The following KIF15 variants were observed in gnomAD, a reference collection of about 807,000 sequenced individuals.
KIF15 encodes the protein kinesin-like protein KIF15.
KIF15 carries 140 observed loss-of-function variants against 190.6 expected under a neutral mutation model. That is an observed-to-expected ratio of 0.73 (90% CI 0.64 to 0.84). The LOEUF is 0.84. Among genes scored for constraint, KIF15 ranks in the 40% least tolerant of loss-of-function variants. The pLI is 0.00. For missense variants in KIF15, 1,372 were observed against 1,584.4 expected (o/e 0.87, Z 2.28); for synonymous variants, 528 against 551.3 (o/e 0.96, Z 0.59).
At chr3:44,829,741 A>C (rs1027688482) in intron 24 of KIF15, among the ~76,000 whole-genome samples, 1 of 139,018 alleles carries the variant, frequency 7.2e-6, no homozygotes, top group Non-Finnish European at 1.5e-5. Flanking sequence ...TATATTATAT[A>C]TGTATATATT....
Position 44,800,348 on chromosome 3 carries a change from G to C in KIF15, c.1133G>C (p.Ser378Thr). Residue 378 changes from serine to threonine, a missense_variant, in exon 11 of 35, where the codon AGC becomes ACC. By Grantham distance (58) the Ser-to-Thr change is moderately conservative. Transcript: ENST00000326047. Reference protein sequence around the residue: ...VVNEDTQGNVSQLQAEVKRLK... With the variant: ...VVNEDTQGNVTQLQAEVKRLK... ...AATGAAGACACCCAAGGAAATGTGA[G>C]CCAGCTCCAAGCTGAAGTGAAGAGG... 6.2e-7 allele frequency: 1 copy of C among 1,614,208 alleles called. No individual in the cohort carries two copies. Among genetic ancestry groups the C allele is most frequent in the Non-Finnish European group, 8.5e-7 (1 of 1,180,028 alleles).
chr3:44,826,697 C>T (rs1395782740), intron 22 of KIF15, among the ~76,000 whole-genome samples: 1 of 152,156 alleles, frequency 6.6e-6, no homozygotes, highest in Non-Finnish European at 1.5e-5. Context: ...AATCAGAACT[C>T]AGGGCCTTCT....
rs1284763282 is a variant in KIF15, at chr3:44,858,869, T to C, written c.*59+6075T>C. The stretch of plus-strand genomic sequence containing the variant: ...AGAAGGGGATGGACTTATCCTCCAC[T>C]GTAAAAGTTACCCGAAGCTCGGTGT... On this transcript the variant is annotated intron_variant and NMD_transcript_variant, in intron 6 of 6. Coordinates refer to the KIF15 transcript ENST00000422209. 2.0e-5 allele frequency among the ~76,000 whole-genome samples: 3 copies of C among 152,206 alleles called. No individual in the cohort carries two copies. In the East Asian group the frequency reaches 5.8e-4, roughly 29 times the overall value.
intron 12 of KIF15, 98 bp downstream of exon 12, chr3:44,801,624 C>T (rs1707282155): frequency 2.1e-6 from 2 of 965,186 alleles, no homozygotes; most frequent in Non-Finnish European, 3.2e-6. Context: ...AATACCAAGT[C>T]AATAAAGTAA....
chr3:44,815,677 A>G (rs907509152), intron 20 of KIF15, among the ~76,000 whole-genome samples: 6 of 152,242 alleles, frequency 3.9e-5, no homozygotes, highest in African/African-American at 1.2e-4. Flanking sequence ...TCAAGTGCTG[A>G]TATCTTGAAA....
rs1261824614 is a variant in KIF15 at position 44,797,841 on chromosome 3, T to C, written c.983T>C (p.Leu328Pro). 1.2e-6 allele frequency: 2 copies of C among 1,613,454 alleles called. No homozygotes were observed. The highest frequency in any genetic ancestry group is 1.7e-6 in the Non-Finnish European group (2 of 1,179,878). Residue 328 changes from leucine to proline, a missense_variant, in exon 10 of 35, where the codon CTT (leucine) becomes CCT (proline). Leu to Pro is a moderately conservative substitution (Grantham distance 98). Transcript: ENST00000326047. Reference protein sequence around the residue: ...SKLTFLLRDSLGGNAKTAIIA... With the variant: ...SKLTFLLRDSPGGNAKTAIIA... ...ATTCCTATCATTAAACAGGATTCCC[T>C]TGGAGGTAATGCCAAAACAGCCATA...
intron 17 of KIF15, among the ~76,000 whole-genome samples, chr3:44,811,919 A>C (rs1707803172): frequency 6.6e-6 from 1 of 152,248 alleles, no homozygotes; most frequent in Non-Finnish European, 1.5e-5. Context: ...CCAGGATTTT[A>C]ATTTTAATCA....
chr3:44,773,617 T>C (rs1455661405), intron 1 of KIF15, among the ~76,000 whole-genome samples: 1 of 152,152 alleles, frequency 6.6e-6, no homozygotes, highest in Non-Finnish European at 1.5e-5. Context: ...GAGGCCAACA[T>C]TCCCTACCCC....
intron 1 of KIF15, among the ~76,000 whole-genome samples, chr3:44,767,894 C>CAAAAA (rs1181321859): frequency 1.6e-4 from 6 of 37,136 alleles, no homozygotes; most frequent in Non-Finnish European, 3.5e-4. Context: ...GACTCCATCT[C>CAAAAA]AAAAAAAAAA....
intron 6 of KIF15, chr3:44,864,067 GC>G: frequency 9.4e-7 from 1 of 1,064,608 alleles, no homozygotes; most frequent in Non-Finnish European, 1.4e-6. Flanking sequence ...AAGCTCTGAG[GC>G]CCTCTGAGCT....
At chr3:44,829,413 A>ATATACG (rs1697860486) in intron 24 of KIF15, among the ~76,000 whole-genome samples, 2 of 141,320 alleles carry the variant, frequency 1.4e-5, no homozygotes, top group African/African-American at 5.2e-5. Flanking sequence ...TATATATATT[A>ATATACG]CATATGTATA....
intron 26 of KIF15, among the ~76,000 whole-genome samples, chr3:44,836,099 C>T: frequency 6.6e-6 from 1 of 152,250 alleles, no homozygotes; most frequent in Non-Finnish European, 1.5e-5. Flanking sequence ...GTAATCCCAG[C>T]ACTTTGGGAG....
At chr3:44,829,533 ATG>A (rs1697889972) in intron 24 of KIF15, among the ~76,000 whole-genome samples, 2 of 125,460 alleles carry the variant, frequency 1.6e-5, no homozygotes, top group African/African-American at 6.2e-5. Context: ...TGTATATAAT[ATG>A]TATATATTAT....
chr3:44,847,849 C>A, intron 30 of KIF15, 136 bp from the exon 31 acceptor site: 1 of 621,842 alleles, frequency 1.6e-6, no homozygotes. Flanking sequence ...CTGACTTGAC[C>A]CAATCACAAT....
In KIF15 at chr3:44,797,893, G is replaced by T. The variant is rs772506957; in HGVS notation, c.1035G>T (p.Arg345Ser). The change falls in exon 10 of 35, where the codon AGG becomes AGT. Residue 345 changes from arginine to serine, a missense_variant. Physicochemically the swap from Arg to Ser is moderately radical, Grantham distance 110. Transcript: ENST00000326047. Reference protein sequence around the residue: ...AIIANVHPGSRCFGETLSTLN... With the variant: ...AIIANVHPGSSCFGETLSTLN... The stretch of plus-strand genomic sequence containing the variant: ...TTGCAAATGTTCATCCTGGATCCAG[G>T]TGTTTTGGGGAAACCCTATCAACAC... 6.2e-7 allele frequency: 1 copy of T among 1,613,886 alleles called. No homozygotes were observed. Among genetic ancestry groups the T allele is most frequent in the East Asian group, 2.2e-5 (1 of 44,882 alleles).
At chr3:44,824,003 C>T (rs1231354773) in intron 20 of KIF15, among the ~76,000 whole-genome samples, 1 of 152,092 alleles carries the variant, frequency 6.6e-6, no homozygotes, top group Non-Finnish European at 1.5e-5. Context: ...TTCAGCTTGC[C>T]CTCCGTGGTC....
chr3:44,780,737 G>A, intron 4 of KIF15, 148 bp from the exon 5 acceptor site: 1 of 530,356 alleles, frequency 1.9e-6, no homozygotes, highest in South Asian at 3.1e-5. Flanking sequence ...AAAGGAGGCA[G>A]ATCATTCACT....
chr3:44,815,702 C>T (rs1440072753), intron 20 of KIF15, among the ~76,000 whole-genome samples: 1 of 152,220 alleles, frequency 6.6e-6, no homozygotes, highest in African/African-American at 2.4e-5. Context: ...TGTAATCTCA[C>T]ATCTAAATAG....
At chr3:44,818,381 G>A (rs1464811741) in intron 20 of KIF15, among the ~76,000 whole-genome samples, 1 of 152,160 alleles carries the variant, frequency 6.6e-6, no homozygotes, top group African/African-American at 2.4e-5. Context: ...CTGTGGGTTT[G>A]TCATAAATAG....
Sources: allele counts gnomAD v4.1 joint callset (sites outside exome capture counted in the v4.1 genomes callset), GRCh38; gene constraint gnomAD v4.1.1; transcripts MANE v1.5; gene names NCBI Gene and HGNC (gene_info 2026-07-23, HGNC 2026-07-21).